Variants in ERLIN1 observed in about 807,000 individuals in gnomAD.
The protein encoded by ERLIN1 is erlin-1.
ERLIN1 carries 24 observed loss-of-function variants against 46.9 expected under a neutral mutation model. That is an observed-to-expected ratio of 0.51 (90% CI 0.37 to 0.72). The LOEUF (loss-of-function observed/expected upper bound fraction) is 0.72. Among genes scored for constraint, ERLIN1 ranks in the 30% least tolerant of loss-of-function variants. ERLIN1 has a pLI of 0.00. For synonymous variants in ERLIN1, 158 were observed against 143.2 expected (o/e 1.10, Z -0.74); for missense variants, 293 against 417.9 (o/e 0.70, Z 2.61).
At chr10:100,176,954 T>A (rs894878382) in intron 4 of ERLIN1, among the ~76,000 whole-genome samples, 8 of 152,062 alleles carry the variant, frequency 5.3e-5, no homozygotes, top group Non-Finnish European at 1.2e-4. Context: ...AAACACTGTC[T>A]CTACTAAAAA....
chr10:100,157,908 G>A (rs528165098), intron 8 of ERLIN1, among the ~76,000 whole-genome samples: 24 of 152,374 alleles, frequency 1.6e-4, no homozygotes, highest in African/African-American at 5.5e-4. Flanking sequence ...CAAAAGGCCA[G>A]AGAGAAAACC....
chr10:100,160,373 T>G (rs928225857), intron 8 of ERLIN1, among the ~76,000 whole-genome samples: 1 of 151,958 alleles, frequency 6.6e-6, no homozygotes, highest in Non-Finnish European at 1.5e-5. Flanking sequence ...TGATATACAA[T>G]AGAACACAGA....
At chr10:100,172,277 C>T (rs1489052491) in intron 6 of ERLIN1, among the ~76,000 whole-genome samples, 1 of 152,146 alleles carries the variant, frequency 6.6e-6, no homozygotes, top group Non-Finnish European at 1.5e-5. Flanking sequence ...TTTAGTTGAG[C>T]ATGTATGCAT....
rs945538588 is a variant in ERLIN1 at position 100,185,745 on chromosome 10, G to C, written c.-119C>G. On this transcript the variant is annotated 5_prime_UTR_variant, in exon 1 of 11. Coordinates refer to ENST00000421367, the MANE Select transcript of ERLIN1 (RefSeq NM_006459.4). ...TGGCGCTCTCTCGCAGGCTGAGCCG[G>C]GGAGTCCAGTACCCCTGTCCCCTCA... The C allele has an allele frequency of 3.9e-6, 3 of 773,512 alleles. No individual in the cohort carries two copies. In the African/African-American group the frequency reaches 5.1e-5, roughly 13 times the overall value. 47.9% of individuals were successfully genotyped at this position (773,512 alleles called of 1,614,324 possible). A position where few individuals can be genotyped will look rare whatever the true frequency, so the allele number is the denominator to read the frequency against.
In ERLIN1 at chr10:100,174,194, G is replaced by C. The variant is rs1243627108; in HGVS notation, c.504+14C>G. ...TCAAAATCCCCAGAGAACTTCCCTA[G>C]GAAAAGAACTTACCTGTATAGTGAG... is the stretch of plus-strand genomic sequence containing the variant. On this transcript the variant is annotated intron_variant, in intron 6 of 10. Coordinates refer to ENST00000421367, the MANE Select transcript of ERLIN1 (RefSeq NM_006459.4). 6.5e-7 allele frequency: 1 copy of C among 1,535,984 alleles called. No homozygotes were observed. The highest frequency in any genetic ancestry group is 2.4e-5 in the East Asian group (1 of 41,970).
chr10:100,159,592 T>G (rs1843249685), intron 8 of ERLIN1, among the ~76,000 whole-genome samples: 1 of 151,456 alleles, frequency 6.6e-6, no homozygotes, highest in East Asian at 1.9e-4. Flanking sequence ...TACAATGTAG[T>G]AACACTGGAA....
intron 6 of ERLIN1, among the ~76,000 whole-genome samples, chr10:100,168,990 G>A (rs1843823618): frequency 6.6e-6 from 1 of 152,136 alleles, no homozygotes; most frequent in Admixed American, 6.5e-5. Context: ...GGCCAGGACT[G>A]TCTTTTGAAG....
At chr10:100,169,523 A>T (rs1259970499) in intron 6 of ERLIN1, among the ~76,000 whole-genome samples, 1 of 152,072 alleles carries the variant, frequency 6.6e-6, no homozygotes, top group African/African-American at 2.4e-5. Flanking sequence ...TATAATAGTG[A>T]CTGTAAAAAT....
intron 9 of ERLIN1, among the ~76,000 whole-genome samples, chr10:100,155,757 G>A (rs1433150520): frequency 2.6e-5 from 4 of 152,052 alleles, no homozygotes; most frequent in African/African-American, 9.7e-5. Flanking sequence ...CTTGTGATCC[G>A]CCCGCCTCGG....
intron 8 of ERLIN1, among the ~76,000 whole-genome samples, chr10:100,157,663 A>C (rs1409325503): frequency 1.3e-5 from 2 of 152,238 alleles, no homozygotes; most frequent in Non-Finnish European, 2.9e-5. Flanking sequence ...TCTATATTAC[A>C]CCATCCAAAA....
intron 5 of ERLIN1, among the ~76,000 whole-genome samples, chr10:100,175,444 T>C (rs1844237658): frequency 6.6e-6 from 1 of 152,226 alleles, no homozygotes; most frequent in Non-Finnish European, 1.5e-5. Flanking sequence ...ACATTTCACA[T>C]GTGTTGTCAC....
At chr10:100,156,991 C>T (rs753416242) in intron 8 of ERLIN1, among the ~76,000 whole-genome samples, 2 of 151,896 alleles carry the variant, frequency 1.3e-5, no homozygotes, top group Non-Finnish European at 2.9e-5. Context: ...CTCCAGCCAG[C>T]GTGACAGAGT....
chr10:100,153,210 T>C (rs1051395221), intron 10 of ERLIN1, among the ~76,000 whole-genome samples: 6 of 152,230 alleles, frequency 3.9e-5, no homozygotes, highest in African/African-American at 1.4e-4. Context: ...TTAAGCTGCT[T>C]GTGACAGACA....
intron 10 of ERLIN1, 65 bp downstream of exon 10, chr10:100,154,795 C>G: frequency 1.6e-6 from 2 of 1,249,914 alleles, no homozygotes; most frequent in Non-Finnish European, 2.3e-6. Flanking sequence ...CATATCAGAG[C>G]TCCTGAAAAG....
At chr10:100,166,998 C>A (rs1843679720) in intron 7 of ERLIN1, among the ~76,000 whole-genome samples, 1 of 152,200 alleles carries the variant, frequency 6.6e-6, no homozygotes. Flanking sequence ...AATATGAGCA[C>A]TCTCTTCAAC....
At chr10:100,179,343 A>C (rs977580954) in intron 2 of ERLIN1, 96 bp from the exon 3 acceptor site, 7 of 742,604 alleles carry the variant, frequency 9.4e-6, no homozygotes, top group Middle Eastern at 2.3e-4. Context: ...GCTGACAGTA[A>C]GTACAGCAGA....
At position 100,156,228 on chromosome 10, in the gene ERLIN1, T is replaced by C; in HGVS notation, c.662A>G (p.Glu221Gly). The stretch of plus-strand genomic sequence containing the variant: ...AATTTTTGCCACTTGTGCAATCTTC[T>C]CTGCTTCTATAATCATACAACATAA... ...TERKKAVIEA[E>G]KIAQVAKIRF... is the part of the protein sequence containing the mutation. The change falls in exon 9 of 11, where the codon GAG (glutamate) becomes GGG (glycine). Residue 221 changes from glutamate (E) to glycine (G), a missense_variant. Around this residue, in one of 3 missense-constraint regions of ERLIN1, gnomAD observed 148 missense variants for 266.5 expected, o/e 0.56. Coordinates refer to ENST00000421367, the MANE Select transcript of ERLIN1 (RefSeq NM_006459.4). The C allele has an allele frequency of 6.2e-7, 1 of 1,607,884 alleles. No individual in the cohort carries two copies. Among genetic ancestry groups the C allele is most frequent in the Admixed American group, 1.7e-5 (1 of 59,864 alleles).
intron 9 of ERLIN1, among the ~76,000 whole-genome samples, chr10:100,155,292 G>GCC (rs772384859): frequency 2.0e-5 from 3 of 149,770 alleles, no homozygotes; most frequent in African/African-American, 7.4e-5. Flanking sequence ...ATTGTCTCCA[G>GCC]CCCCCCCCCA....
rs574593671 is a variant in ERLIN1 at position 100,160,934 on chromosome 10, G to A, written c.655+3070C>T. Among the ~76,000 whole-genome samples, 4 of 152,292 alleles carry A rather than the reference G, an allele frequency of 2.6e-5. No homozygotes were observed. In the East Asian group the frequency reaches 7.7e-4, roughly 29 times the overall value. ...TGTACTCCAGCCTGGGTGGCAAAGC[G>A]AGACCCTGTCTCAAAAAAATTCTGA... On this transcript the variant is annotated intron_variant, in intron 8 of 10. Coordinates refer to ENST00000421367, the MANE Select transcript of ERLIN1 (RefSeq NM_006459.4).
Sources: gnomAD v4.1 joint callset for allele counts (sites outside exome capture counted in the v4.1 genomes callset) on GRCh38, gnomAD v4.1.1 for gene constraint, gnomAD v4.1.1 regional missense constraint, MANE v1.5 for transcripts, NCBI Gene and HGNC (gene_info 2026-07-23, HGNC 2026-07-21) for gene names.